NEURL1B: variants seen among roughly 807,000 people sequenced by gnomAD.
The protein encoded by NEURL1B is E3 ubiquitin-protein ligase NEURL1B.
NEURL1B carries 13 observed loss-of-function variants against 37.4 expected under a neutral mutation model. The ratio of observed to expected loss-of-function variants is 0.35; its 90% CI spans 0.23 to 0.55. The LOEUF is 0.55. Ranked by LOEUF, NEURL1B falls within the 20% of genes least tolerant of loss-of-function variation. NEURL1B has a pLI of 0.89. For missense variants in NEURL1B, 790 were observed against 879.2 expected (o/e 0.90, Z 1.28); for synonymous variants, 432 against 426.6 (o/e 1.01, Z -0.16).
chr5:172,686,175 C>A lies in NEURL1B; in HGVS notation c.1302C>A (p.Thr434=). The change falls in exon 4 of 5, where the codon ACC becomes ACA. Residue 434 remains threonine, a synonymous_variant. Transcript: ENST00000369800. The surrounding 1 kb of genome is among the most constrained non-coding windows in gnomAD (Gnocchi z 7.9). ...GVAGQLRLLG[T]LQSSPATTTP... The stretch of plus-strand genomic sequence containing the variant: ...TGGAATCTCTTTGGGCCTCAGGTAC[C>A]CTGCAGTCCAGCCCTGCGACCACGA... 6.4e-7 allele frequency: 1 copy of A among 1,551,588 alleles called. No individual in the cohort carries two copies. The highest frequency in any genetic ancestry group is 2.4e-5 in the East Asian group (1 of 40,924).
intron 2 of NEURL1B, among the ~76,000 whole-genome samples, chr5:172,677,215 C>T (rs569418422): frequency 1.3e-5 from 2 of 152,200 alleles, no homozygotes; most frequent in African/African-American, 4.8e-5. Context: ...TCCAAACAGA[C>T]CAGGCCAGCA....
In NEURL1B at chr5:172,683,935, G is replaced by T. The variant is rs1246385421; in HGVS notation, c.1094G>T (p.Arg365Leu). The T allele has an allele frequency of 7.1e-7, 1 of 1,403,558 alleles. No homozygotes were observed. The allele number at this position is 1,403,558 out of a possible 1,614,324, so 86.9% of individuals were successfully genotyped here. ...LPADPDALLDRKEYWVVARAG... is the reference protein window; with the variant it reads ...LPADPDALLDLKEYWVVARAG... The stretch of plus-strand genomic sequence containing the variant: ...GCCGACCCAGACGCGCTGCTCGACC[G>T]CAAAGAGTACTGGGTGGTGGCGCGC... Residue 365 changes from arginine to leucine, a missense_variant, in exon 3 of 5, where the codon CGC (arginine) becomes CTC (leucine). Physicochemically the swap from Arg to Leu is moderately radical, Grantham distance 102. Coordinates refer to ENST00000369800, the MANE Select transcript of NEURL1B (RefSeq NM_001142651.3). The surrounding 1 kb of genome is among the most constrained non-coding windows in gnomAD (Gnocchi z 5.6).
Position 172,683,681 on chromosome 5 carries a change from G to A in NEURL1B, c.840G>A (p.Leu280=). ...CGCCGGCGCTACTGGAGGCCGACCTGCGCTTCCACGCAACACGCGGGCCCG... is the reference window on the plus strand; with the variant it reads ...CGCCGGCGCTACTGGAGGCCGACCTACGCTTCCACGCAACACGCGGGCCCG... The part of the protein sequence containing the change: ...ASSPALLEAD[L]RFHATRGPDV... The change falls in exon 3 of 5, where the codon CTG becomes CTA. Residue 280 remains leucine (L), a synonymous_variant. Coordinates refer to ENST00000369800, the MANE Select transcript of NEURL1B (RefSeq NM_001142651.3). The surrounding 1 kb of genome is among the most constrained non-coding windows in gnomAD (Gnocchi z 5.6). 4 of 1,336,172 alleles carry A rather than the reference G, an allele frequency of 3.0e-6. No homozygotes were observed. Among genetic ancestry groups the A allele is most frequent in the Non-Finnish European group, 3.9e-6 (4 of 1,034,898 alleles). The allele number at this position is 1,336,172 out of a possible 1,614,324, so 82.8% of individuals were successfully genotyped here.
intron 1 of NEURL1B, among the ~76,000 whole-genome samples, chr5:172,654,812 G>A (rs1757735493): frequency 6.6e-6 from 1 of 152,168 alleles, no homozygotes; most frequent in Non-Finnish European, 1.5e-5. Flanking sequence ...TGACAACAAA[G>A]TGGTATTGGA....
chr5:172,658,098 T>C (rs750411869), intron 1 of NEURL1B, among the ~76,000 whole-genome samples: 4 of 152,124 alleles, frequency 2.6e-5, no homozygotes, highest in Admixed American at 1.3e-4. Context: ...CCCCCTTGTC[T>C]TGTATGCAAT....
intron 3 of NEURL1B, among the ~76,000 whole-genome samples, chr5:172,685,527 C>T (rs981704438): frequency 6.6e-6 from 1 of 152,218 alleles, no homozygotes; most frequent in Non-Finnish European, 1.5e-5. Flanking sequence ...ATGTTGAGCA[C>T]TAGTAGTCAG....
rs1317829626 is a variant in NEURL1B at position 172,683,324 on chromosome 5, G to T, written c.578-95G>T. The T allele has an allele frequency of 8.1e-7, 1 of 1,238,870 alleles. No homozygotes were observed. Among genetic ancestry groups the T allele is most frequent in the Non-Finnish European group, 1.0e-6 (1 of 985,634 alleles). 76.7% of individuals were successfully genotyped at this position (1,238,870 alleles called of 1,614,324 possible). On this transcript the variant is annotated intron_variant, in intron 2 of 4. Transcript: ENST00000369800. The surrounding 1 kb of genome is among the most constrained non-coding windows in gnomAD (Gnocchi z 5.6). ...GGGCTGCTCGAGGCCCGGGTCGGTCGTGGAGGCCTGCAGGAGGCAGCGGGC... is the reference window on the plus strand; with the variant it reads ...GGGCTGCTCGAGGCCCGGGTCGGTCTTGGAGGCCTGCAGGAGGCAGCGGGC...
chr5:172,683,583 G>C lies in NEURL1B; in HGVS notation c.742G>C (p.Gly248Arg). Residue 248 changes from glycine (G) to arginine (R), a missense_variant, in exon 3 of 5, where the codon GGC becomes CGC. Coordinates refer to ENST00000369800, the MANE Select transcript of NEURL1B (RefSeq NM_001142651.3). The surrounding 1 kb of genome is among the most constrained non-coding windows in gnomAD (Gnocchi z 5.6). ...CCACCTGGCGCTGGGCCGCGCCCCG[G>C]GCCCACCGCCAGCCGACGCCGCGGC... ...LGHLALGRAPGPPPADAAAAA... is the reference protein window; with the variant it reads ...LGHLALGRAPRPPPADAAAAA... 7.5e-7 allele frequency: 1 copy of C among 1,338,956 alleles called. No individual in the cohort carries two copies. Among genetic ancestry groups the C allele is most frequent in the Non-Finnish European group, 9.6e-7 (1 of 1,046,916 alleles). 82.9% of individuals were successfully genotyped at this position (1,338,956 alleles called of 1,614,324 possible).
intron 1 of NEURL1B, among the ~76,000 whole-genome samples, chr5:172,643,360 G>A (rs1757503293): frequency 6.6e-6 from 1 of 152,158 alleles, no homozygotes; most frequent in Non-Finnish European, 1.5e-5. Context: ...GCTGTTTTTT[G>A]TACCTCTGTG....
intron 1 of NEURL1B, among the ~76,000 whole-genome samples, chr5:172,651,684 T>C (rs1420092983): frequency 1.3e-5 from 2 of 152,270 alleles, no homozygotes; most frequent in Non-Finnish European, 2.9e-5. Flanking sequence ...ATCTCCAGCG[T>C]AGTTAATAAA....
chr5:172,644,353 G>A (rs1261118646), intron 1 of NEURL1B, among the ~76,000 whole-genome samples: 2 of 152,176 alleles, frequency 1.3e-5, no homozygotes, highest in African/African-American at 2.4e-5. Context: ...TGCAATTTAG[G>A]TTAACTTAGC....
intron 1 of NEURL1B, among the ~76,000 whole-genome samples, chr5:172,660,650 A>AT (rs1005472964): frequency 1.3e-5 from 2 of 151,664 alleles, no homozygotes; most frequent in African/African-American, 2.4e-5. Context: ...TTTTCTCTTT[A>AT]TTTTTTTTGA....
intron 1 of NEURL1B, among the ~76,000 whole-genome samples, chr5:172,663,194 C>G (rs998407659): frequency 6.6e-6 from 1 of 151,758 alleles, no homozygotes; most frequent in African/African-American, 2.4e-5. Flanking sequence ...GCCTGGGAGA[C>G]AGAGCAAGAC....
At position 172,647,820 on chromosome 5, in the gene NEURL1B, T is replaced by C. The variant is rs905710085; in HGVS notation, c.31+6383T>C. Among the ~76,000 whole-genome samples the C allele has an allele frequency of 6.6e-6, 1 of 152,056 alleles. No homozygotes were observed. Among genetic ancestry groups the C allele is most frequent in the African/African-American group, 2.4e-5 (1 of 41,378 alleles). ...GGGTGAGCTTGAGTTCTGTGCTCCTTCTTCCTGCCCAACTAGGACTCAGGC... is the reference window on the plus strand; with the variant it reads ...GGGTGAGCTTGAGTTCTGTGCTCCTCCTTCCTGCCCAACTAGGACTCAGGC... On this transcript the variant is annotated intron_variant, in intron 1 of 4. Transcript: ENST00000369800. The surrounding 1 kb of genome is among the most constrained non-coding windows in gnomAD (Gnocchi z 4.2).
chr5:172,648,315 T>C (rs1221981636), intron 1 of NEURL1B, among the ~76,000 whole-genome samples: 1 of 152,224 alleles, frequency 6.6e-6, no homozygotes, highest in Non-Finnish European at 1.5e-5. Flanking sequence ...CACTGGGAGA[T>C]GAGCCCCTCC....
chr5:172,641,560 T>A lies in NEURL1B; in HGVS notation c.31+123T>A. Reference sequence around the variant, plus strand: ...GCCCTCGGCTCGCAGCGGGCTGGAGTCTCCGGTACCTCCCGGACCTCAGCT... The same window carrying A: ...GCCCTCGGCTCGCAGCGGGCTGGAGACTCCGGTACCTCCCGGACCTCAGCT... On this transcript the variant is annotated intron_variant, in intron 1 of 4. Coordinates refer to ENST00000369800, the MANE Select transcript of NEURL1B (RefSeq NM_001142651.3). The surrounding 1 kb of genome is among the most constrained non-coding windows in gnomAD (Gnocchi z 6.4). 1 of 844,006 alleles carries A rather than the reference T, an allele frequency of 1.2e-6. No individual in the cohort carries two copies. The highest frequency in any genetic ancestry group is 1.6e-6 in the Non-Finnish European group (1 of 633,858). The allele number at this position is 844,006 out of a possible 1,614,324, so 52.3% of individuals were successfully genotyped here. A position where few individuals can be genotyped will look rare whatever the true frequency, so the allele number is the denominator to read the frequency against.
At chr5:172,655,329 G>A (rs1757751654) in intron 1 of NEURL1B, among the ~76,000 whole-genome samples, 1 of 152,096 alleles carries the variant, frequency 6.6e-6, no homozygotes, top group Non-Finnish European at 1.5e-5. Context: ...TCCTCGTCCT[G>A]GGAGGTTGAC....
At chr5:172,671,143 C>T (rs1343659657) in intron 2 of NEURL1B, among the ~76,000 whole-genome samples, 1 of 152,174 alleles carries the variant, frequency 6.6e-6, no homozygotes, top group Non-Finnish European at 1.5e-5. Flanking sequence ...AGTTCTAAAA[C>T]ATGTCATCAC....
chr5:172,686,272 TC>T lies in NEURL1B; in HGVS notation c.1401del (p.Ser468ArgfsTer8). 1 of 1,551,698 alleles carries T rather than the reference TC, an allele frequency of 6.4e-7. No individual in the cohort carries two copies. Among genetic ancestry groups the T allele is most frequent in the Non-Finnish European group, 8.7e-7 (1 of 1,146,992 alleles). Reference protein sequence around the residue: ...SDMTFSVNQSSSASESSLVTA... With the variant: ...SDMTFSVNQSXSASESSLVTA... ...TATGACCTTCAGTGTCAACCAGTCC[TC>T]CTCGGCATCTGAGTCATCCCTGGGT... On this transcript the variant is annotated frameshift_variant, in exon 4 of 5. Transcript: ENST00000369800. LOFTEE classifies it high-confidence loss of function. This position sits in a 1 kb window ranked among gnomAD's most constrained non-coding sequence, Gnocchi z 7.9.
Sources: allele counts gnomAD v4.1 joint callset (sites outside exome capture counted in the v4.1 genomes callset), GRCh38; gene constraint gnomAD v4.1.1; non-coding constraint Gnocchi (gnomAD v3.1); transcripts MANE v1.5; gene names NCBI Gene and HGNC (gene_info 2026-07-23, HGNC 2026-07-21).